TUBA4B: variants seen among roughly 807,000 people sequenced by gnomAD.
The protein encoded by TUBA4B is tubulin alpha 4b.
In TUBA4B, 13 loss-of-function variants were observed where a neutral mutation model predicts 18.4. That is an observed-to-expected ratio of 0.71 (90% CI 0.46 to 1.12). The LOEUF (loss-of-function observed/expected upper bound fraction) is 1.12. TUBA4B is among the 50% of genes most tolerant of loss of function. The pLI, the probability that TUBA4B is intolerant of heterozygous loss-of-function variation, is 0.00. For synonymous variants in TUBA4B, 101 were observed against 99.1 expected, an observed-to-expected ratio of 1.02 and a Z score of -0.11; for missense variants, 244 against 250.0, an observed-to-expected ratio of 0.98 and a Z score of 0.16.
rs1394698437 is a variant in TUBA4B at position 219,266,666 on chromosome 2, T to C, written c.58+100T>C. On this transcript the variant is annotated intron_variant, in intron 2 of 3. Transcript: ENST00000490341. ...GGTACCTTGGGAGTCCACATGGTGA[T>C]GGGGCTACAGTATGTGGCGAGGTGG... 11 of 680,504 alleles carry C rather than the reference T, an allele frequency of 1.6e-5. No homozygotes were observed. The Admixed American group carries it at 2.3e-4, about 14-fold the overall frequency. The allele number at this position is 680,504 out of a possible 1,614,324, so 42.2% of individuals were successfully genotyped here.
Position 219,253,362 on chromosome 2 carries a change from G to GGC in TUBA4B, c.-45_-44insCG, listed in dbSNP as rs747098003. On this transcript the variant is annotated 5_prime_UTR_variant, in exon 1 of 4. Coordinates refer to ENST00000490341, the MANE Select transcript of TUBA4B (RefSeq NM_001355221.1). ...CGCGGGGTGCTGAGTCACGGGGGGG[G>GGC]GGTGGTTCTGTGGATAGTTGGAATG... 5.2e-6 allele frequency: 8 copies of GGC among 1,534,444 alleles called. No individual in the cohort carries two copies. The South Asian group carries it at 6.0e-5, about 11-fold the overall frequency.
chr2:219,255,302 G>T (rs568365719), intron 1 of TUBA4B, among the ~76,000 whole-genome samples: 1 of 152,192 alleles, frequency 6.6e-6, no homozygotes, highest in Non-Finnish European at 1.5e-5. Flanking sequence ...GCAATGGCAC[G>T]ATTTCGGCTC....
chr2:219,257,136 C>T lies in TUBA4B; in HGVS notation c.12+3717C>T, dbSNP rs534530597. On this transcript the variant is annotated intron_variant, in intron 1 of 3. Coordinates refer to ENST00000490341, the MANE Select transcript of TUBA4B (RefSeq NM_001355221.1). ...TCGGCTCACTGCAAGCTCCACCTCC[C>T]GGGTTCAAGCAATTCTCCTGCCTCA... Among the ~76,000 whole-genome samples, 5 of 150,430 alleles carry T rather than the reference C, an allele frequency of 3.3e-5. No individual in the cohort carries two copies. The East Asian group carries it at 6.0e-4, about 18-fold the overall frequency.
At chr2:219,253,511 CGTCTTCTTTT>C in intron 1 of TUBA4B, 92 bp downstream of exon 1, 1 of 1,108,430 alleles carries the variant, frequency 9.0e-7, no homozygotes, top group East Asian at 2.6e-5. Context: ...CAGCCAAACC[CGTCTTCTTTT>C]GCCCGCGGAA....
At chr2:219,258,513 A>G (rs1320148177) in intron 1 of TUBA4B, among the ~76,000 whole-genome samples, 3 of 148,382 alleles carry the variant, frequency 2.0e-5, no homozygotes, top group African/African-American at 7.5e-5. Flanking sequence ...TATTATTAGT[A>G]GAGATGGGGT....
chr2:219,257,641 CAAAAAAAAAAA>C (rs1158116997), intron 1 of TUBA4B, among the ~76,000 whole-genome samples: 2 of 41,488 alleles, frequency 4.8e-5, no homozygotes, highest in African/African-American at 8.5e-5. Flanking sequence ...GACACTGTCT[CAAAAAAAAAAA>C]AAAAAAAAAA....
intron 2 of TUBA4B, among the ~76,000 whole-genome samples, chr2:219,267,807 C>T (rs1386748017): frequency 6.6e-6 from 1 of 152,194 alleles, no homozygotes; most frequent in African/African-American, 2.4e-5. Context: ...TTGTGATCTG[C>T]CCACCTCGGC....
At chr2:219,256,302 G>A (rs1009735626) in intron 1 of TUBA4B, among the ~76,000 whole-genome samples, 2 of 152,200 alleles carry the variant, frequency 1.3e-5, no homozygotes, top group Admixed American at 6.5e-5. Context: ...ATTTATTTTA[G>A]TGCATATAGC....
chr2:219,270,002 G>A (rs1166667373), intron 2 of TUBA4B, among the ~76,000 whole-genome samples, 200 bp from the exon 3 acceptor site: 2 of 152,110 alleles, frequency 1.3e-5, no homozygotes, highest in African/African-American at 2.4e-5. Context: ...TGAGTCTGTA[G>A]GCCACTCCAC....
chr2:219,259,184 G>A (rs1951744706), intron 1 of TUBA4B, among the ~76,000 whole-genome samples: 1 of 150,902 alleles, frequency 6.6e-6, no homozygotes, highest in Admixed American at 6.6e-5. Flanking sequence ...TCCGGGCATG[G>A]TGGCAGGCAC....
chr2:219,270,138 G>A, intron 2 of TUBA4B, 64 bp from the exon 3 acceptor site: 1 of 684,536 alleles, frequency 1.5e-6, no homozygotes, highest in East Asian at 2.7e-5. Context: ...TGGGGCTCCA[G>A]CAGCTGGATT....
chr2:219,264,258 G>A (rs535926329), intron 1 of TUBA4B, among the ~76,000 whole-genome samples: 1 of 152,118 alleles, frequency 6.6e-6, no homozygotes, highest in Admixed American at 6.6e-5. Context: ...TCAGGAGTTC[G>A]AGACCAGCTT....
intron 1 of TUBA4B, among the ~76,000 whole-genome samples, chr2:219,262,704 CAG>C (rs1951767009): frequency 6.6e-6 from 1 of 151,936 alleles, no homozygotes; most frequent in Non-Finnish European, 1.5e-5. Flanking sequence ...TTTGTGGAGG[CAG>C]AGTCGCATTA....
intron 1 of TUBA4B, among the ~76,000 whole-genome samples, chr2:219,265,972 G>T (rs1277225058): frequency 6.6e-6 from 1 of 152,256 alleles, no homozygotes; most frequent in Non-Finnish European, 1.5e-5. Context: ...TTAGAGGTGG[G>T]ATTAAAACCA....
At chr2:219,266,632 T>C in intron 2 of TUBA4B, 66 bp downstream of exon 2, 1 of 698,754 alleles carries the variant, frequency 1.4e-6, no homozygotes. Flanking sequence ...CCAAGATATC[T>C]GGCGTGAAGG....
intron 2 of TUBA4B, 90 bp downstream of exon 2, chr2:219,266,656 C>T: frequency 1.5e-6 from 1 of 686,270 alleles, no homozygotes; most frequent in Admixed American, 2.1e-5. Context: ...CTTGGGAGTC[C>T]ACATGGTGAT....
chr2:219,267,334 T>G (rs1428087003), intron 2 of TUBA4B, among the ~76,000 whole-genome samples: 1 of 151,996 alleles, frequency 6.6e-6, no homozygotes, highest in Non-Finnish European at 1.5e-5. Flanking sequence ...CTACCTAAGG[T>G]GAATGTGGTA....
rs192657625 is a variant in TUBA4B, at chr2:219,266,586, G to A, written c.58+20G>A. ...AGCATGGTGAGTAGAAGGGGCCTTG[G>A]GGGGACTGAGCATGCAAGTGAGGGT... On this transcript the variant is annotated intron_variant, in intron 2 of 3. Coordinates refer to ENST00000490341, the MANE Select transcript of TUBA4B (RefSeq NM_001355221.1). 3,077 of 702,866 alleles carry A rather than the reference G, an allele frequency of 4.4e-3. 29 individuals carry two copies. Among genetic ancestry groups the A allele is most frequent in the Non-Finnish European group, 5.3e-3 (2,053 of 384,912 alleles). The allele number at this position is 702,866 out of a possible 1,614,324, so 43.5% of individuals were successfully genotyped here.
In TUBA4B at chr2:219,271,900, T is replaced by C; in HGVS notation, c.*201T>C. 6.9e-7 allele frequency: 1 copy of C among 1,439,894 alleles called. No homozygotes were observed. The highest frequency in any genetic ancestry group is 9.8e-7 in the Non-Finnish European group (1 of 1,021,692). The allele number at this position is 1,439,894 out of a possible 1,614,324, so 89.2% of individuals were successfully genotyped here. The stretch of plus-strand genomic sequence containing the variant: ...GGTGCCTGGGAGTGACCTGGTAAAG[T>C]GCAACGTGCCATGTGCATGCTGAGC... On this transcript the variant is annotated 3_prime_UTR_variant, in exon 4 of 4. Transcript: ENST00000490341.
Sources: allele counts gnomAD v4.1 joint callset (sites outside exome capture counted in the v4.1 genomes callset), GRCh38; gene constraint gnomAD v4.1.1; transcripts MANE v1.5; gene names NCBI Gene and HGNC (gene_info 2026-07-23, HGNC 2026-07-21).